Variants in AFG2A observed in about 807,000 individuals in gnomAD.
AFG2A encodes the protein AAA ATPase AFG2A.
the AFG2A span, among the ~76,000 whole-genome samples, chr4:123,123,679 GGC>G: frequency 6.6e-6 from 1 of 152,096 alleles, no homozygotes; most frequent in African/African-American, 2.4e-5. Context: ...CGGGCGCGGT[GGC>G]TCACGCCTGT....
At chr4:123,000,201 T>A in the AFG2A span, among the ~76,000 whole-genome samples, 1 of 150,746 alleles carries the variant, frequency 6.6e-6, no homozygotes. Flanking sequence ...AAGGAAGTTT[T>A]GGGCTGAGAC....
the AFG2A span, among the ~76,000 whole-genome samples, chr4:123,083,121 C>T: frequency 6.6e-6 from 1 of 152,066 alleles, no homozygotes; most frequent in Non-Finnish European, 1.5e-5. Context: ...ATTTCTTCCT[C>T]CCCTATCTGT....
At chr4:123,257,415 A>G in the AFG2A span, among the ~76,000 whole-genome samples, 1 of 152,184 alleles carries the variant, frequency 6.6e-6, no homozygotes, top group East Asian at 1.9e-4. Context: ...TCAAAAACAT[A>G]TATGCATTTT....
At chr4:123,201,689 C>T in the AFG2A span, among the ~76,000 whole-genome samples, 2 of 152,094 alleles carry the variant, frequency 1.3e-5, no homozygotes, top group East Asian at 1.9e-4. Context: ...GAGGCCAAGG[C>T]GGGCAGATTG....
At chr4:123,028,395 G>T in the AFG2A span, 8 of 1,613,810 alleles carry the variant, frequency 5.0e-6, no homozygotes, top group Non-Finnish European at 6.8e-6. Flanking sequence ...TAGCTATAAA[G>T]GTAGGGTGTT....
the AFG2A span, among the ~76,000 whole-genome samples, chr4:123,038,131 A>G: frequency 6.6e-6 from 1 of 152,020 alleles, no homozygotes; most frequent in African/African-American, 2.4e-5. Context: ...AGTTTCTCTA[A>G]CTGTCAAGTG....
At chr4:123,190,186 G>A in the AFG2A span, among the ~76,000 whole-genome samples, 1 of 152,172 alleles carries the variant, frequency 6.6e-6, no homozygotes. Context: ...TTTCAAAAAT[G>A]TGTATCGGCT....
chr4:123,007,590 G>GT, the AFG2A span, among the ~76,000 whole-genome samples: 1 of 4,564 alleles, frequency 2.2e-4, no homozygotes, highest in African/African-American at 4.5e-4. Flanking sequence ...GTGTGTGTGT[G>GT]TGTGTGTGTG....
the AFG2A span, among the ~76,000 whole-genome samples, chr4:123,109,677 G>C: frequency 3.3e-5 from 5 of 151,950 alleles, no homozygotes; most frequent in African/African-American, 1.2e-4. Context: ...TTTTTTCTGA[G>C]TGCTTATTAG....
At chr4:123,047,574 CTT>C in the AFG2A span, among the ~76,000 whole-genome samples, 1 of 150,588 alleles carries the variant, frequency 6.6e-6, no homozygotes. Flanking sequence ...GGTAATTTGT[CTT>C]TTTTTTTGCC....
chr4:123,127,245 A>C, the AFG2A span, among the ~76,000 whole-genome samples: 1 of 152,180 alleles, frequency 6.6e-6, no homozygotes, highest in African/African-American at 2.4e-5. Flanking sequence ...TAAATATTTA[A>C]ATCTCTTTAG....
the AFG2A span, among the ~76,000 whole-genome samples, chr4:123,171,538 T>C: frequency 6.6e-6 from 1 of 152,098 alleles, no homozygotes. Context: ...CACACACACA[T>C]GAAATGAAAT....
At chr4:123,279,475 A>G in the AFG2A span, among the ~76,000 whole-genome samples, 1 of 152,176 alleles carries the variant, frequency 6.6e-6, no homozygotes, top group Non-Finnish European at 1.5e-5. Flanking sequence ...AGTTGGAAGT[A>G]TAGCAAAGAG....
At chr4:123,253,466 CAA>C in the AFG2A span, among the ~76,000 whole-genome samples, 1 of 139,854 alleles carries the variant, frequency 7.2e-6, no homozygotes. Flanking sequence ...GCCTGGGCAA[CAA>C]GAGCGAAACT....
At chr4:122,953,687 G>A in the AFG2A span, among the ~76,000 whole-genome samples, 2 of 152,184 alleles carry the variant, frequency 1.3e-5, no homozygotes, top group African/African-American at 4.8e-5. Flanking sequence ...GCATTAGGCT[G>A]TTTATCTGTT....
the AFG2A span, among the ~76,000 whole-genome samples, chr4:123,269,262 T>A: frequency 6.6e-6 from 1 of 152,220 alleles, no homozygotes; most frequent in Non-Finnish European, 1.5e-5. Flanking sequence ...CTGTCCTGCA[T>A]GCCTCTTCCT....
the AFG2A span, among the ~76,000 whole-genome samples, chr4:123,002,439 G>C: frequency 6.6e-6 from 1 of 152,140 alleles, no homozygotes; most frequent in Non-Finnish European, 1.5e-5. Context: ...GCAGCGGCTG[G>C]TACCGGTTGT....
At chr4:123,216,215 T>A in the AFG2A span, among the ~76,000 whole-genome samples, 1 of 152,290 alleles carries the variant, frequency 6.6e-6, no homozygotes, top group South Asian at 2.1e-4. Context: ...ACTGGCTTTT[T>A]TTCAATATCA....
the AFG2A span, among the ~76,000 whole-genome samples, chr4:123,138,431 T>TA: frequency 6.6e-6 from 1 of 152,232 alleles, no homozygotes; most frequent in East Asian, 1.9e-4. Flanking sequence ...TTCATTGTCA[T>TA]AAAAGCTTAC....
Sources: gnomAD v4.1 joint callset for allele counts (sites outside exome capture counted in the v4.1 genomes callset) on GRCh38, gnomAD v4.1.1 for gene constraint, MANE v1.5 for transcripts, NCBI Gene and HGNC (gene_info 2026-07-23, HGNC 2026-07-21) for gene names.